SLC44A5: variants seen among roughly 807,000 people sequenced by gnomAD.
SLC44A5 encodes solute carrier family 44 member 5, also known as choline transporter-like protein 5.
A neutral mutation model predicts 101.8 loss-of-function variants in SLC44A5; 57 were observed. The observed-to-expected ratio is 0.56, with a 90% CI of 0.45 to 0.70. SLC44A5 has a LOEUF of 0.70. Ranked by LOEUF, SLC44A5 falls within the 30% of genes least tolerant of loss-of-function variation. The probability of loss-of-function intolerance (pLI) is 0.00; values close to 1 mark genes in which losing one functional copy is unlikely to be tolerated. For missense variants in SLC44A5, 737 were observed against 853.1 expected (o/e 0.86, Z 1.70); for synonymous variants, 281 against 290.9 (o/e 0.97, Z 0.35).
intron 2 of SLC44A5, among the ~76,000 whole-genome samples, chr1:75,408,296 C>G (rs1268032901): frequency 1.3e-5 from 2 of 152,144 alleles, no homozygotes; most frequent in African/African-American, 2.4e-5. Flanking sequence ...TTGTGGAAGA[C>G]AGTGTGGTGA....
chr1:75,315,016 T>G (rs977134076), intron 4 of SLC44A5, among the ~76,000 whole-genome samples: 25 of 152,284 alleles, frequency 1.6e-4, no homozygotes, highest in African/African-American at 5.8e-4. Flanking sequence ...ATTTAGATTC[T>G]ATCTACAATT....
chr1:75,336,959 C>T (rs1657491766), intron 4 of SLC44A5, among the ~76,000 whole-genome samples: 1 of 152,184 alleles, frequency 6.6e-6, no homozygotes, highest in Non-Finnish European at 1.5e-5. Context: ...AACCCAATAT[C>T]ACACCATTGG....
intron 5 of SLC44A5, among the ~76,000 whole-genome samples, chr1:75,276,329 G>A (rs191412276): frequency 3.9e-5 from 6 of 152,204 alleles, no homozygotes; most frequent in East Asian, 1.9e-4. Flanking sequence ...TCCAGACCCC[G>A]TATCATTACA....
chr1:75,651,792 G>A, the SLC44A5 span, among the ~76,000 whole-genome samples: 2 of 151,094 alleles, frequency 1.3e-5, no homozygotes, highest in African/African-American at 4.9e-5. Flanking sequence ...TTCCCTCCTT[G>A]TTACAGTAGA....
intron 2 of SLC44A5, among the ~76,000 whole-genome samples, chr1:75,474,761 T>G (rs1157482088): frequency 6.6e-6 from 1 of 152,244 alleles, no homozygotes; most frequent in Non-Finnish European, 1.5e-5. Flanking sequence ...ACATATTTAA[T>G]TATGATGTGA....
the SLC44A5 span, among the ~76,000 whole-genome samples, chr1:75,670,211 A>G: frequency 3.0e-4 from 46 of 152,270 alleles, no homozygotes; most frequent in African/African-American, 1.1e-3. Flanking sequence ...TCTAAAGGAC[A>G]AAGGAAAATA....
chr1:75,615,682 G>A (rs138174425), upstream of SLC44A5, among the ~76,000 whole-genome samples: 29 of 150,438 alleles, frequency 1.9e-4, no homozygotes, highest in African/African-American at 6.5e-4. Flanking sequence ...CCGGAGGCCA[G>A]GGGAGGTGCA....
the SLC44A5 span, among the ~76,000 whole-genome samples, chr1:75,678,863 A>C: frequency 6.6e-6 from 1 of 152,174 alleles, no homozygotes; most frequent in African/African-American, 2.4e-5. Flanking sequence ...GAAAACTTTG[A>C]AAAAAATTTA....
chr1:75,526,681 A>C (rs976593306), intron 2 of SLC44A5, among the ~76,000 whole-genome samples: 2 of 152,212 alleles, frequency 1.3e-5, no homozygotes, highest in African/African-American at 4.8e-5. Flanking sequence ...CATCCAGTTT[A>C]CCCTTTCTTT....
intron 6 of SLC44A5, among the ~76,000 whole-genome samples, chr1:75,268,195 A>C (rs913640499): frequency 2.0e-5 from 3 of 151,958 alleles, no homozygotes; most frequent in Non-Finnish European, 2.9e-5. Context: ...TCATAGGGTC[A>C]CTCATGCCTC....
the SLC44A5 span, among the ~76,000 whole-genome samples, chr1:75,674,620 TCC>T: frequency 1.0e-4 from 2 of 19,930 alleles, no homozygotes; most frequent in South Asian, 1.8e-3. Context: ...GCTCGGGTGA[TCC>T]CCCCCAACCT....
At chr1:75,407,187 C>T (rs1001573500) in intron 2 of SLC44A5, among the ~76,000 whole-genome samples, 1 of 152,084 alleles carries the variant, frequency 6.6e-6, no homozygotes, top group South Asian at 2.1e-4. Context: ...GAACTACAAA[C>T]CACTGCTCAA....
chr1:75,687,925 G>A, the SLC44A5 span, among the ~76,000 whole-genome samples: 7 of 152,172 alleles, frequency 4.6e-5, no homozygotes, highest in Admixed American at 2.6e-4. Context: ...AGGACTAGCA[G>A]CAGTTGTTAT....
intron 4 of SLC44A5, among the ~76,000 whole-genome samples, chr1:75,329,697 T>C (rs2100994217): frequency 6.6e-6 from 1 of 152,238 alleles, no homozygotes; most frequent in African/African-American, 2.4e-5. Flanking sequence ...GAAATGAAAT[T>C]CCGCCAATAT....
chr1:75,707,617 G>A, the SLC44A5 span, among the ~76,000 whole-genome samples: 20 of 152,088 alleles, frequency 1.3e-4, no homozygotes, highest in South Asian at 6.2e-4. Context: ...CTACTCTGAC[G>A]GATCCCCCAC....
intron 2 of SLC44A5, among the ~76,000 whole-genome samples, chr1:75,458,410 T>G (rs1355259974): frequency 6.6e-6 from 1 of 152,172 alleles, no homozygotes. Context: ...ATAGAATTAC[T>G]GAAGAGTTTC....
chr1:75,535,070 G>A (rs1570551106), intron 2 of SLC44A5, among the ~76,000 whole-genome samples: 1 of 69,732 alleles, frequency 1.4e-5, no homozygotes, highest in African/African-American at 4.3e-5. Context: ...AATTGAAGCT[G>A]CTTTTTTTTT....
chr1:75,519,358 G>C (rs1280024875), intron 2 of SLC44A5, among the ~76,000 whole-genome samples: 1 of 152,080 alleles, frequency 6.6e-6, no homozygotes, highest in African/African-American at 2.4e-5. Context: ...AGGAGTTCGA[G>C]ACCACCCTGG....
At chr1:75,513,807 T>C (rs1415977098) in intron 2 of SLC44A5, among the ~76,000 whole-genome samples, 1 of 152,200 alleles carries the variant, frequency 6.6e-6, no homozygotes, top group African/African-American at 2.4e-5. Context: ...CTTATTCTAA[T>C]TTTAAATCAA....
Sources: allele counts gnomAD v4.1 joint callset (sites outside exome capture counted in the v4.1 genomes callset), GRCh38; gene constraint gnomAD v4.1.1; transcripts MANE v1.5; gene names NCBI Gene and HGNC (gene_info 2026-07-23, HGNC 2026-07-21).